Variants in TMEM123 observed in about 807,000 individuals in gnomAD.
The protein encoded by TMEM123 is transmembrane protein 123.
Under a neutral mutation model 19.7 loss-of-function variants are expected in TMEM123, and 16 were observed. That is an observed-to-expected ratio of 0.81 (90% CI 0.55 to 1.23). The LOEUF is 1.23. TMEM123 is among the 50% of genes most tolerant of loss of function. The pLI is 0.00. For synonymous variants in TMEM123, 118 were observed against 99.4 expected, an observed-to-expected ratio of 1.19 and a Z score of -1.12; for missense variants, 313 against 257.8, an observed-to-expected ratio of 1.21 and a Z score of -1.47.
chr11:102,407,255 G>A (rs552090966), intron 2 of TMEM123, among the ~76,000 whole-genome samples: 8 of 152,316 alleles, frequency 5.3e-5, no homozygotes, highest in Admixed American at 4.6e-4. Context: ...CTGGCAGAAG[G>A]GACAAGTTTC....
At chr11:102,428,477 T>A (rs181105484) in intron 2 of TMEM123, among the ~76,000 whole-genome samples, 187 of 151,732 alleles carry the variant, frequency 1.2e-3, no homozygotes, top group Non-Finnish European at 1.8e-3. Context: ...TTTTTTTTTT[T>A]TTATTTTTTA....
intron 2 of TMEM123, among the ~76,000 whole-genome samples, chr11:102,420,120 T>C (rs1166249340): frequency 6.6e-6 from 1 of 152,190 alleles, no homozygotes; most frequent in Non-Finnish European, 1.5e-5. Flanking sequence ...AGAAACTATT[T>C]GCATCTCCAG....
chr11:102,419,912 T>C (rs754628830), intron 2 of TMEM123, among the ~76,000 whole-genome samples: 22 of 152,242 alleles, frequency 1.4e-4, no homozygotes, highest in Non-Finnish European at 5.9e-5. Context: ...TCTCCCTTGT[T>C]TTAAGCCTTG....
intron 2 of TMEM123, among the ~76,000 whole-genome samples, chr11:102,420,754 G>A (rs1242441385): frequency 6.6e-6 from 1 of 152,178 alleles, no homozygotes; most frequent in African/African-American, 2.4e-5. Flanking sequence ...TTAACACATT[G>A]CTGACTAAGA....
At position 102,402,091 on chromosome 11, in the gene TMEM123, A is replaced by C; in HGVS notation, c.273T>G (p.Pro91=). Residue 91 remains proline, a synonymous_variant, in exon 3 of 5, where the codon CCT becomes CCG. Coordinates refer to ENST00000398136, the MANE Select transcript of TMEM123 (RefSeq NM_052932.3). ...GTGTTGTTGTATTAGATGCCGCTGT[A>C]GGTTTCATGGTGGTGACCGTTGTAT... ...SSNTTVTTMK[P]TAASNTTTPG... is the part of the protein sequence containing the mutation. 6.2e-7 allele frequency: 1 copy of C among 1,614,132 alleles called. No homozygotes were observed. The highest frequency in any genetic ancestry group is 8.5e-7 in the Non-Finnish European group (1 of 1,180,004).
At chr11:102,418,648 A>G (rs1221013131) in intron 2 of TMEM123, among the ~76,000 whole-genome samples, 12 of 152,246 alleles carry the variant, frequency 7.9e-5, no homozygotes, top group Non-Finnish European at 1.5e-4. Context: ...TGACCTAGCA[A>G]TCCCATTACT....
At chr11:102,434,280 C>T (rs1857740492) in intron 2 of TMEM123, among the ~76,000 whole-genome samples, 1 of 151,826 alleles carries the variant, frequency 6.6e-6, no homozygotes, top group Middle Eastern at 3.2e-3. Context: ...TGAGAATAGC[C>T]ATTCTCATAG....
chr11:102,401,961 C>G lies in TMEM123; in HGVS notation c.403G>C (p.Val135Leu). 1.9e-6 allele frequency: 3 copies of G among 1,614,122 alleles called. No individual in the cohort carries two copies. Among genetic ancestry groups the G allele is most frequent in the Non-Finnish European group, 2.5e-6 (3 of 1,180,016 alleles). The change falls in exon 3 of 5, where the codon GTA (valine) becomes CTA (leucine). Residue 135 changes from valine (V) to leucine (L), a missense_variant. By Grantham distance (32) the Val-to-Leu change is conservative. Transcript: ENST00000398136. ...GATGTCACTGAACTATTGTGGGTTA[C>G]GGTCATTGTGGATGTTGATATCTGA... Reference protein sequence around the residue: ...TSQISTSTMTVTHNSSVTSAA... With the variant: ...TSQISTSTMTLTHNSSVTSAA...
At position 102,402,151 on chromosome 11, in the gene TMEM123, C is replaced by T. The variant is rs2135841863; in HGVS notation, c.213G>A (p.Val71=). 5.6e-6 allele frequency: 9 copies of T among 1,614,082 alleles called. No individual in the cohort carries two copies. The highest frequency in any genetic ancestry group is 7.6e-6 in the Non-Finnish European group (9 of 1,180,016). ...CTGAGGCAACTGAAGTTGGTGGTTT[C>T]ACAGTACTGTTGGAAGTTTCATTTG... ...DHTNETSNST[V]KPPTSVASDS... The change falls in exon 3 of 5, where the codon GTG becomes GTA. Residue 71 remains valine, a synonymous_variant. Coordinates refer to ENST00000398136, the MANE Select transcript of TMEM123 (RefSeq NM_052932.3).
intron 1 of TMEM123, among the ~76,000 whole-genome samples, chr11:102,451,767 C>T (rs540154469): frequency 1.2e-3 from 188 of 152,362 alleles, no homozygotes; most frequent in Admixed American, 3.8e-3. Context: ...TTCCGCCCTA[C>T]ACAGAAAAGC....
rs1415662732 is a variant in TMEM123, at chr11:102,396,715, CTACATTCAAAGTACGGG to C, written c.*2135_*2151del. The C allele has an allele frequency of 6.6e-6, 1 of 152,004 alleles. No individual in the cohort carries two copies. The highest frequency in any genetic ancestry group is 2.4e-5 in the African/African-American group (1 of 41,396). The allele number at this position is 152,004 out of a possible 1,614,324, so 9.4% of individuals were successfully genotyped here. On this transcript the variant is annotated 3_prime_UTR_variant, in exon 5 of 5. Coordinates refer to ENST00000398136, the MANE Select transcript of TMEM123 (RefSeq NM_052932.3). ...TTATAGATAACAACAACAAAAAAAC[CTACATTCAAAGTACGGG>C]TATTTGAAAGTAACAAATTATACTA...
chr11:102,398,663 A>C lies in TMEM123; in HGVS notation c.*204T>G. The stretch of plus-strand genomic sequence containing the variant: ...GCTAAAACCATTGTATGAACGGTCT[A>C]TAAGGATCCAGATGTTTATTTCAAA... On this transcript the variant is annotated 3_prime_UTR_variant, in exon 5 of 5. Transcript: ENST00000398136. The C allele has an allele frequency of 2.3e-6, 1 of 435,310 alleles. No homozygotes were observed. The highest frequency in any genetic ancestry group is 2.7e-5 in the South Asian group (1 of 37,730). The allele number at this position is 435,310 out of a possible 1,614,324, so 27.0% of individuals were successfully genotyped here. A position where few individuals can be genotyped will look rare whatever the true frequency, so the allele number is the denominator to read the frequency against.
At chr11:102,399,594 C>T (rs1271727048) in intron 4 of TMEM123, among the ~76,000 whole-genome samples, 1 of 152,206 alleles carries the variant, frequency 6.6e-6, no homozygotes, top group African/African-American at 2.4e-5. Flanking sequence ...GTGAATGTGT[C>T]TGATCTCATG....
chr11:102,430,778 T>C (rs1857690874), intron 2 of TMEM123, among the ~76,000 whole-genome samples: 1 of 152,246 alleles, frequency 6.6e-6, no homozygotes, highest in Non-Finnish European at 1.5e-5. Flanking sequence ...GACAGCCATC[T>C]TTCTATAATC....
At chr11:102,411,234 T>TAA (rs1024634016) in intron 2 of TMEM123, among the ~76,000 whole-genome samples, 1 of 152,054 alleles carries the variant, frequency 6.6e-6, no homozygotes, top group African/African-American at 2.4e-5. Flanking sequence ...TTAAGCTCTA[T>TAA]AAAAACTCCT....
At chr11:102,440,128 G>A (rs1857808663) in intron 2 of TMEM123, among the ~76,000 whole-genome samples, 2 of 152,156 alleles carry the variant, frequency 1.3e-5, no homozygotes, top group African/African-American at 4.8e-5. Context: ...ACACTCTTCA[G>A]GATATTATCC....
chr11:102,421,279 TATC>T (rs1488383637), intron 2 of TMEM123, among the ~76,000 whole-genome samples: 5 of 152,172 alleles, frequency 3.3e-5, no homozygotes, highest in Non-Finnish European at 7.3e-5. Flanking sequence ...TACTCTAAAA[TATC>T]ATTTTATTGT....
At chr11:102,415,651 G>C (rs1156603002) in intron 2 of TMEM123, among the ~76,000 whole-genome samples, 2 of 152,124 alleles carry the variant, frequency 1.3e-5, no homozygotes, top group Non-Finnish European at 2.9e-5. Flanking sequence ...CAACATATCA[G>C]AATCTGTGAG....
Position 102,452,521 on chromosome 11 carries a change from T to C in TMEM123, c.100+3A>G, listed in dbSNP as rs1050572669. 6.5e-7 allele frequency: 1 copy of C among 1,536,702 alleles called. No homozygotes were observed. The highest frequency in any genetic ancestry group is 1.4e-5 in the African/African-American group (1 of 72,872). On this transcript the variant is annotated splice_donor_region_variant and intron_variant, in intron 1 of 4. Coordinates refer to ENST00000398136, the MANE Select transcript of TMEM123 (RefSeq NM_052932.3). ...GGGGCTGACGACCCCCGCAGCCACT[T>C]ACCCGCCATGGCTGCGCTTTCATGG...
Sources: gnomAD v4.1 joint callset for allele counts (sites outside exome capture counted in the v4.1 genomes callset) on GRCh38, gnomAD v4.1.1 for gene constraint, MANE v1.5 for transcripts, NCBI Gene and HGNC (gene_info 2026-07-23, HGNC 2026-07-21) for gene names.